The following TEX11 variants were observed in gnomAD, a reference collection of about 807,000 sequenced individuals.
TEX11 encodes testis-expressed protein 11.
Under a neutral mutation model 84.4 loss-of-function variants are expected in TEX11, and 7 were observed. The observed-to-expected ratio is 0.08, with a 90% CI of 0.05 to 0.16. The LOEUF is 0.16. TEX11 is among the 10% of genes least tolerant of loss of function. The pLI is 1.00. For synonymous variants in TEX11, 264 were observed against 222.8 expected (o/e 1.18, Z -1.64); for missense variants, 551 against 660.5 (o/e 0.83, Z 1.82).
At chrX:70,706,429 A>G (rs1158022098) in intron 13 of TEX11, among the ~76,000 whole-genome samples, 1 of 111,030 alleles carries the variant, frequency 9.0e-6, no homozygotes, top group Non-Finnish European at 1.9e-5. Context: ...CACTTTGTGC[A>G]TATGTACCCT....
intron 3 of TEX11, among the ~76,000 whole-genome samples, chrX:70,877,105 C>G (rs1481185182): frequency 9.1e-6 from 1 of 110,235 alleles, no homozygotes; most frequent in African/African-American, 3.3e-5. Flanking sequence ...ACCAGCCTGG[C>G]CAACATGGCA....
In TEX11 at chrX:70,579,502, C is replaced by CA. The variant is rs1274648313; in HGVS notation, c.2140+12248dup. Among the ~76,000 whole-genome samples the CA allele has an allele frequency of 9.7e-4, 30 of 30,787 alleles. 1 individual carries two copies. Among genetic ancestry groups the CA allele is most frequent in the East Asian group, 6.9e-3 (7 of 1,021 alleles). 26.7% of individuals were successfully genotyped at this position (30,787 alleles called of 115,157 possible). A position where few individuals can be genotyped will look rare whatever the true frequency, so the allele number is the denominator to read the frequency against. On this transcript the variant is annotated intron_variant, in intron 25 of 29. Coordinates refer to ENST00000374333, the MANE Select transcript of TEX11 (RefSeq NM_031276.3). Reference sequence around the variant, plus strand: ...ACAGAGCAAGACTCCGTCTCAAAAACAAAAAAACAAAAAAAACAAAAAAAA... The same window carrying CA: ...ACAGAGCAAGACTCCGTCTCAAAAACAAAAAAAACAAAAAAAACAAAAAAAA...
chrX:70,677,810 C>CTTTTTTTTTTT (rs35653618), intron 15 of TEX11, among the ~76,000 whole-genome samples: 2 of 63,582 alleles, frequency 3.1e-5, no homozygotes, highest in East Asian at 4.2e-4. Context: ...CTTTTCTTTC[C>CTTTTTTTTTTT]TTTTTTTTTT....
the TEX11 span, among the ~76,000 whole-genome samples, chrX:70,523,117 TA>T: frequency 1.3e-4 from 14 of 110,607 alleles, no homozygotes; most frequent in South Asian, 2.7e-3. Context: ...TAAGCACATG[TA>T]AAAAAAATGC....
At chrX:70,864,204 C>A (rs2091585559) in intron 4 of TEX11, among the ~76,000 whole-genome samples, 1 of 111,295 alleles carries the variant, frequency 9.0e-6, no homozygotes, top group Non-Finnish European at 1.9e-5. Flanking sequence ...GCAAGGCAAG[C>A]CAACATTCAA....
intron 11 of TEX11, among the ~76,000 whole-genome samples, chrX:70,733,422 C>T (rs1157373789): frequency 9.0e-6 from 1 of 111,583 alleles, no homozygotes; most frequent in Admixed American, 9.6e-5. Flanking sequence ...GGGCTAATAT[C>T]CAGAATCTAC....
At chrX:70,879,160 C>A (rs1380978986) in intron 3 of TEX11, among the ~76,000 whole-genome samples, 1 of 110,392 alleles carries the variant, frequency 9.1e-6, no homozygotes, top group African/African-American at 3.3e-5. Context: ...TGTTTGTGAA[C>A]GGGTGTGCGG....
intron 8 of TEX11, among the ~76,000 whole-genome samples, chrX:70,817,085 G>A: frequency 9.0e-6 from 1 of 110,545 alleles, no homozygotes. Context: ...GATTGAAACA[G>A]ACGATATCAT....
chrX:70,799,117 T>A (rs755648737), intron 9 of TEX11, among the ~76,000 whole-genome samples: 1 of 111,909 alleles, frequency 8.9e-6, no homozygotes, highest in Non-Finnish European at 1.9e-5. Context: ...AATTAAAAGA[T>A]TAAAATATAA....
intron 24 of TEX11, 114 bp downstream of exon 24, chrX:70,605,287 C>G (rs2089182838): frequency 2.1e-6 from 1 of 469,934 alleles, no homozygotes; most frequent in Admixed American, 3.6e-5. Context: ...CAAGACGATG[C>G]TGGAGTGGAG....
chrX:70,723,454 C>G (rs759039840), intron 12 of TEX11, among the ~76,000 whole-genome samples: 1 of 111,423 alleles, frequency 9.0e-6, no homozygotes. Flanking sequence ...AGAAAGCAAA[C>G]TTTTATGTAC....
Position 70,779,251 on chromosome X carries a change from T to C in TEX11, c.692+27454A>G, listed in dbSNP as rs1009926399. ...CCAAGATGGTGAAACCCCGTCCCTA[T>C]TAAAAATACAAAAATTAGCCAAGAG... On this transcript the variant is annotated intron_variant, in intron 9 of 29. Transcript: ENST00000374333. Among the ~76,000 whole-genome samples the C allele has an allele frequency of 4.7e-5, 5 of 107,417 alleles. No individual in the cohort carries two copies. The Admixed American group carries it at 5.1e-4, about 11-fold the overall frequency. 93.3% of individuals were successfully genotyped at this position (107,417 alleles called of 115,157 possible). A position where few individuals can be genotyped will look rare whatever the true frequency, so the allele number is the denominator to read the frequency against.
intron 9 of TEX11, among the ~76,000 whole-genome samples, chrX:70,776,190 G>C (rs1279179942): frequency 9.0e-6 from 1 of 111,141 alleles, no homozygotes; most frequent in East Asian, 2.8e-4. Context: ...ATTCACAATA[G>C]AAAAAATATG....
At chrX:70,675,628 C>A (rs1464931432) in intron 15 of TEX11, among the ~76,000 whole-genome samples, 1 of 106,416 alleles carries the variant, frequency 9.4e-6, no homozygotes, top group African/African-American at 3.5e-5. Flanking sequence ...CTCTTCCTTT[C>A]TGTTTCTTTT....
chrX:70,816,423 A>G (rs1023892911), intron 8 of TEX11, among the ~76,000 whole-genome samples: 2 of 112,101 alleles, frequency 1.8e-5, no homozygotes, highest in African/African-American at 6.5e-5. Flanking sequence ...CTATGCAATC[A>G]GTCTAGTATA....
chrX:70,611,914 T>C (rs899162652), intron 20 of TEX11, among the ~76,000 whole-genome samples: 1 of 111,337 alleles, frequency 9.0e-6, no homozygotes, highest in Non-Finnish European at 1.9e-5. Context: ...GGCGGGAGGA[T>C]TGCTTGAATC....
At chrX:70,521,180 G>A in the TEX11 span, among the ~76,000 whole-genome samples, 1 of 111,250 alleles carries the variant, frequency 9.0e-6, no homozygotes, top group Non-Finnish European at 1.9e-5. Flanking sequence ...GATGAACCAG[G>A]TACTTCAGTT....
chrX:70,840,799 T>C (rs961502380), intron 7 of TEX11, among the ~76,000 whole-genome samples: 1 of 111,011 alleles, frequency 9.0e-6, no homozygotes, highest in African/African-American at 3.3e-5. Context: ...ACCAAGCAAA[T>C]GGAAAACAAA....
chrX:70,615,890 G>A (rs776145030), intron 20 of TEX11, among the ~76,000 whole-genome samples: 87 of 107,096 alleles, frequency 8.1e-4, no homozygotes, highest in Non-Finnish European at 1.4e-3. Flanking sequence ...TCAAAGTGTT[G>A]AAGGAAAAAA....
Sources: gnomAD v4.1 joint callset for allele counts (sites outside exome capture counted in the v4.1 genomes callset) on GRCh38, gnomAD v4.1.1 for gene constraint, MANE v1.5 for transcripts, NCBI Gene and HGNC (gene_info 2026-07-23, HGNC 2026-07-21) for gene names.